The following ALK variants were observed in gnomAD, a reference collection of about 807,000 sequenced individuals.
The protein encoded by ALK is ALK receptor tyrosine kinase.
Under a neutral mutation model 163.1 loss-of-function variants are expected in ALK, and 74 were observed. That is an observed-to-expected ratio of 0.45 (90% CI 0.38 to 0.55). ALK has a LOEUF of 0.55. Ranked by LOEUF, ALK falls within the 20% of genes least tolerant of loss-of-function variation. The probability of loss-of-function intolerance (pLI) is 0.00; values close to 1 mark genes in which losing one functional copy is unlikely to be tolerated. For synonymous variants in ALK, 960 were observed against 843.2 expected, an observed-to-expected ratio of 1.14 and a Z score of -2.40; for missense variants, 2,063 against 2,105.3, an observed-to-expected ratio of 0.98 and a Z score of 0.39.
At chr2:29,815,513 C>T (rs1558500636) in intron 1 of ALK, among the ~76,000 whole-genome samples, 1 of 152,270 alleles carries the variant, frequency 6.6e-6, no homozygotes, top group South Asian at 2.1e-4. Context: ...TTCCACCAGT[C>T]CCTCTCTGAG....
At chr2:29,278,483 C>T (rs1665601662) in intron 9 of ALK, among the ~76,000 whole-genome samples, 1 of 152,146 alleles carries the variant, frequency 6.6e-6, no homozygotes, top group African/African-American at 2.4e-5. Context: ...GCACACATCT[C>T]ACACGCCTTC....
intron 1 of ALK, among the ~76,000 whole-genome samples, chr2:29,815,729 T>C (rs1343564405): frequency 6.6e-6 from 1 of 152,230 alleles, no homozygotes; most frequent in Non-Finnish European, 1.5e-5. Flanking sequence ...GTTGGCCAGA[T>C]GCCTCCTCGT....
At chr2:29,839,018 C>A (rs1469855148) in intron 1 of ALK, among the ~76,000 whole-genome samples, 5 of 152,124 alleles carry the variant, frequency 3.3e-5, no homozygotes, top group Non-Finnish European at 7.4e-5. Context: ...ACTGGCATCA[C>A]TTTTACCACC....
intron 1 of ALK, among the ~76,000 whole-genome samples, chr2:29,744,893 T>C (rs1440130979): frequency 6.6e-6 from 1 of 152,138 alleles, no homozygotes; most frequent in Non-Finnish European, 1.5e-5. Context: ...TTCCACTGCA[T>C]TCTACTCATC....
intron 3 of ALK, among the ~76,000 whole-genome samples, chr2:29,632,933 A>G (rs1410933758): frequency 1.3e-5 from 2 of 152,194 alleles, no homozygotes; most frequent in Admixed American, 6.5e-5. Context: ...CCATGATTCA[A>G]TTAGCTCCCA....
intron 4 of ALK, among the ~76,000 whole-genome samples, chr2:29,431,476 A>G (rs2148074412): frequency 6.6e-6 from 1 of 152,292 alleles, no homozygotes; most frequent in Admixed American, 6.5e-5. Context: ...ATTTTTTTCC[A>G]TTTATAATGA....
intron 2 of ALK, among the ~76,000 whole-genome samples, chr2:29,701,760 T>C (rs1678745330): frequency 6.6e-6 from 1 of 152,146 alleles, no homozygotes; most frequent in Non-Finnish European, 1.5e-5. Flanking sequence ...TACATGATCA[T>C]CTTATTTAAT....
At chr2:29,333,478 G>A (rs935352965) in intron 5 of ALK, among the ~76,000 whole-genome samples, 4 of 152,058 alleles carry the variant, frequency 2.6e-5, no homozygotes, top group Non-Finnish European at 5.9e-5. Flanking sequence ...AATTGCCAAC[G>A]TATCGATTAG....
At chr2:29,447,129 C>G (rs1394308614) in intron 4 of ALK, among the ~76,000 whole-genome samples, 1 of 152,150 alleles carries the variant, frequency 6.6e-6, no homozygotes, top group Non-Finnish European at 1.5e-5. Flanking sequence ...CTGGCAAACA[C>G]GTGGGTGGAG....
At chr2:29,640,998 T>C (rs979045464) in intron 3 of ALK, among the ~76,000 whole-genome samples, 5 of 152,078 alleles carry the variant, frequency 3.3e-5, no homozygotes, top group African/African-American at 1.2e-4. Context: ...ACTGGAGATG[T>C]CGGGACATTC....
intron 4 of ALK, among the ~76,000 whole-genome samples, chr2:29,430,617 C>T (rs1304916662): frequency 6.6e-6 from 1 of 152,190 alleles, no homozygotes; most frequent in Non-Finnish European, 1.5e-5. Flanking sequence ...TAGAGCAACT[C>T]TTAAAAAACA....
Position 29,610,942 on chromosome 2 carries a change from A to T in ALK, c.953-78826T>A, listed in dbSNP as rs77050941. On this transcript the variant is annotated intron_variant, in intron 3 of 28. Coordinates refer to ENST00000389048, the MANE Select transcript of ALK (RefSeq NM_004304.5). The stretch of plus-strand genomic sequence containing the variant: ...CTAGGACCCCACTGAAAAATGTATG[A>T]GAGGTGTCTGGGATCATTAATTGAT... Among the ~76,000 whole-genome samples the T allele has an allele frequency of 5.1e-3, 776 of 152,240 alleles. 8 individuals are homozygous for T. The highest frequency in any genetic ancestry group is 0.016 in the African/African-American group (677 of 41,540).
intron 3 of ALK, among the ~76,000 whole-genome samples, chr2:29,669,250 A>C (rs905567302): frequency 2.3e-4 from 35 of 152,008 alleles, no homozygotes; most frequent in African/African-American, 8.0e-4. Context: ...TAGATCTATT[A>C]GTGTTTGCTT....
chr2:29,845,161 C>T (rs1195383598), intron 1 of ALK, among the ~76,000 whole-genome samples: 1 of 152,194 alleles, frequency 6.6e-6, no homozygotes, highest in Non-Finnish European at 1.5e-5. Context: ...ACAGTTGACA[C>T]TCAATGATTT....
intron 1 of ALK, among the ~76,000 whole-genome samples, chr2:29,742,592 T>C (rs922184722): frequency 7.2e-5 from 11 of 152,300 alleles, no homozygotes; most frequent in Admixed American, 2.0e-4. Context: ...GATCCAACAC[T>C]AGGCACTGAC....
At chr2:29,771,008 CATACACAA>C (rs1161261275) in intron 1 of ALK, among the ~76,000 whole-genome samples, 2 of 132,398 alleles carry the variant, frequency 1.5e-5, no homozygotes, top group Non-Finnish European at 3.1e-5. Context: ...CACATGCACA[CATACACAA>C]ATACACACAA....
intron 3 of ALK, among the ~76,000 whole-genome samples, chr2:29,558,376 G>C (rs1673922722): frequency 6.6e-6 from 1 of 151,978 alleles, no homozygotes; most frequent in South Asian, 2.1e-4. Context: ...TTTTTGTTTT[G>C]CCTATAGAAT....
At chr2:29,261,976 G>A (rs1456875872) in intron 11 of ALK, among the ~76,000 whole-genome samples, 2 of 152,194 alleles carry the variant, frequency 1.3e-5, no homozygotes, top group Non-Finnish European at 2.9e-5. Flanking sequence ...GGTATTGGAA[G>A]TCTAACTTCA....
At chr2:29,414,135 G>C (rs1669806554) in intron 4 of ALK, among the ~76,000 whole-genome samples, 1 of 152,216 alleles carries the variant, frequency 6.6e-6, no homozygotes, top group African/African-American at 2.4e-5. Flanking sequence ...TGATTGATAG[G>C]AAGTTTTTAA....
Sources: gnomAD v4.1 joint callset for allele counts (sites outside exome capture counted in the v4.1 genomes callset) on GRCh38, gnomAD v4.1.1 for gene constraint, MANE v1.5 for transcripts, NCBI Gene and HGNC (gene_info 2026-07-23, HGNC 2026-07-21) for gene names.